Variants in KMT2E observed in about 807,000 individuals in gnomAD.
KMT2E encodes the protein histone reader KMT2E.
KMT2E carries 30 observed loss-of-function variants against 184.6 expected under a neutral mutation model. The ratio of observed to expected loss-of-function variants is 0.16; its 90% confidence interval spans 0.12 to 0.22. The LOEUF (loss-of-function observed/expected upper bound fraction) is 0.22, where lower values mean the gene tolerates loss of function less well. Among genes scored for constraint, KMT2E ranks in the 10% least tolerant of loss-of-function variants. The pLI is 1.00. For missense variants in KMT2E, 2,023 were observed against 2,237.4 expected (o/e 0.90, Z 1.93); for synonymous variants, 815 against 776.5 (o/e 1.05, Z -0.82).
chr7:105,033,597 C>T (rs1795513016), intron 1 of KMT2E, among the ~76,000 whole-genome samples: 1 of 152,166 alleles, frequency 6.6e-6, no homozygotes, highest in African/African-American at 2.4e-5. Context: ...CTCCTGGGTT[C>T]ATGCCATTCT....
intron 3 of KMT2E, among the ~76,000 whole-genome samples, chr7:105,055,860 A>G (rs1364446612): frequency 6.6e-6 from 1 of 152,032 alleles, no homozygotes; most frequent in Non-Finnish European, 1.5e-5. Flanking sequence ...CACTACTGTA[A>G]TTATTGTTAC....
chr7:105,016,471 T>C (rs1562870065), intron 1 of KMT2E, among the ~76,000 whole-genome samples: 1 of 152,240 alleles, frequency 6.6e-6, no homozygotes, highest in Admixed American at 6.5e-5. Context: ...TCTGTTTTAA[T>C]AGACCTTAAA....
chr7:105,040,057 T>G (rs1388661953), intron 2 of KMT2E, among the ~76,000 whole-genome samples: 1 of 152,182 alleles, frequency 6.6e-6, no homozygotes, highest in Non-Finnish European at 1.5e-5. Context: ...AACTCTTTAA[T>G]AACTGAACAA....
intron 9 of KMT2E, 68 bp downstream of exon 9, chr7:105,076,149 C>T: frequency 9.1e-7 from 1 of 1,099,436 alleles, no homozygotes. Context: ...GCTTGCTTGA[C>T]CATATCTTTA....
At chr7:105,036,635 A>C (rs1795672008) in intron 1 of KMT2E, among the ~76,000 whole-genome samples, 1 of 152,198 alleles carries the variant, frequency 6.6e-6, no homozygotes, top group Non-Finnish European at 1.5e-5. Context: ...CCATAGGCTT[A>C]TTGTGGAGAT....
At chr7:105,101,758 T>C (rs1562927957) in intron 16 of KMT2E, 128 bp from the exon 17 acceptor site, 8 of 968,208 alleles carry the variant, frequency 8.3e-6, no homozygotes, top group East Asian at 2.8e-5. Context: ...ATATTATCTC[T>C]GTTCTTTATT....
At position 105,033,521 on chromosome 7, in the gene KMT2E, C is replaced by G. The variant is rs181190287; in HGVS notation, c.-188-4605C>G. Among the ~76,000 whole-genome samples, 4 of 152,014 alleles carry G rather than the reference C, an allele frequency of 2.6e-5. No individual in the cohort carries two copies. In the Middle Eastern group the frequency reaches 0.014, roughly 517 times the overall value. ...GCTTTTTGTTTTTGCTTTTTTGAGA[C>G]GGAGTCTTGCTGTGTCGCCCAGTCT... On this transcript the variant is annotated intron_variant, in intron 1 of 26. Coordinates refer to ENST00000311117, the MANE Select transcript of KMT2E (RefSeq NM_182931.3).
chr7:105,072,017 G>T (rs1797341086), intron 6 of KMT2E, among the ~76,000 whole-genome samples: 1 of 151,958 alleles, frequency 6.6e-6, no homozygotes, highest in Non-Finnish European at 1.5e-5. Flanking sequence ...TGGTTAAAAA[G>T]TTACCATTAG....
chr7:105,047,776 T>C (rs530395215), intron 3 of KMT2E, among the ~76,000 whole-genome samples: 2 of 152,350 alleles, frequency 1.3e-5, no homozygotes, highest in Admixed American at 6.5e-5. Context: ...ACCAGTGCTG[T>C]TAGCTATTGG....
At chr7:105,019,234 T>G (rs778884786) in intron 1 of KMT2E, among the ~76,000 whole-genome samples, 86 of 152,334 alleles carry the variant, frequency 5.6e-4, no homozygotes, top group Non-Finnish European at 1.1e-3. Context: ...TAGGATGCTT[T>G]TTACTTAAAT....
chr7:105,030,150 C>G (rs1301220256), intron 1 of KMT2E, among the ~76,000 whole-genome samples: 1 of 152,166 alleles, frequency 6.6e-6, no homozygotes, highest in African/African-American at 2.4e-5. Context: ...GTAGTGCATT[C>G]TTTAGGAGGT....
In KMT2E at chr7:105,101,526, C is replaced by CAAAACTGAAGTT; in HGVS notation, c.1834_1845dup (p.Val612_Glu615dup). ...AAGCTTTGGAAAGGATCAGCACAGC[C>CAAAACTGAAGTT]AAAACTGAAGTTAAAACTGAATGTA... On this transcript the variant is annotated inframe_insertion, in exon 16 of 27. Transcript: ENST00000311117. The CAAAACTGAAGTT allele has an allele frequency of 6.3e-7, 1 of 1,589,796 alleles. No homozygotes were observed. Among genetic ancestry groups the CAAAACTGAAGTT allele is most frequent in the Non-Finnish European group, 8.5e-7 (1 of 1,170,866 alleles).
At position 105,109,063 on chromosome 7, in the gene KMT2E, A is replaced by G; in HGVS notation, c.3590A>G (p.Asp1197Gly). Residue 1197 changes from aspartate to glycine, a missense_variant, in exon 23 of 27, where the codon GAT (aspartate) becomes GGT (glycine). Transcript: ENST00000311117. ...HASGSLSNNGDGCASSNDNGE... is the reference protein window; with the variant it reads ...HASGSLSNNGGGCASSNDNGE... ...AGTGGAAGCTTGAGCAACAATGGTG[A>G]TGGCTGTGCCAGCAGTAATGACAAT... is the stretch of plus-strand genomic sequence containing the variant. The G allele has an allele frequency of 6.2e-7, 1 of 1,614,200 alleles. No homozygotes were observed. Among genetic ancestry groups the G allele is most frequent in the Non-Finnish European group, 8.5e-7 (1 of 1,180,024 alleles).
At position 105,112,400 on chromosome 7, in the gene KMT2E, T is replaced by C. The variant is rs776957213; in HGVS notation, c.4644T>C (p.Pro1548=). ...ACAGCACGGCACCACCCCCTCCACC[T>C]CCTCCACCTCCTTCTTCGTCTTACT... The part of the protein sequence containing the change: ...SLNSTAPPPP[P]PPPPSSSYYQ... Residue 1548 remains proline, a synonymous_variant, in exon 27 of 27, where the codon CCT becomes CCC. Coordinates refer to ENST00000311117, the MANE Select transcript of KMT2E (RefSeq NM_182931.3). 3 of 1,611,816 alleles carry C rather than the reference T, an allele frequency of 1.9e-6. No homozygotes were observed. The highest frequency in any genetic ancestry group is 1.1e-5 in the South Asian group (1 of 91,006).
Position 105,112,059 on chromosome 7 carries a change from G to A in KMT2E, c.4303G>A (p.Val1435Met). 6.2e-7 allele frequency: 1 copy of A among 1,614,186 alleles called. No homozygotes were observed. The highest frequency in any genetic ancestry group is 1.1e-5 in the South Asian group (1 of 91,080). ...SEQLSQKLPS[V>M]PTKLHCPPSP... is the part of the protein sequence containing the mutation. ...GCAACTTTCACAAAAGCTGCCTTCT[G>A]TGCCAACAAAGTTGCACTGTCCTCC... The change falls in exon 27 of 27, where the codon GTG becomes ATG. Residue 1435 changes from valine (V) to methionine (M), a missense_variant. Val to Met is a conservative substitution (Grantham distance 21). Around this residue, in one of 8 missense-constraint regions of KMT2E, gnomAD observed 1,108 missense variants for 1,050.9 expected, o/e 1.05. Transcript: ENST00000311117.
Position 105,019,076 on chromosome 7 carries a change from A to G in KMT2E, c.-189+4541A>G, listed in dbSNP as rs192344529. Among the ~76,000 whole-genome samples, 15 of 152,288 alleles carry G rather than the reference A, an allele frequency of 9.8e-5. No individual in the cohort carries two copies. The East Asian group carries it at 2.9e-3, about 29-fold the overall frequency. On this transcript the variant is annotated intron_variant, in intron 1 of 26. Coordinates refer to ENST00000311117, the MANE Select transcript of KMT2E (RefSeq NM_182931.3). ...GCAAGAGATAAGAATTAACCATATT[A>G]TGATGCAAACAAATTGTTTTTTTGT...
chr7:105,038,066 A>G (rs1330991207), intron 1 of KMT2E, 60 bp from the exon 2 acceptor site: 1 of 152,186 alleles, frequency 6.6e-6, no homozygotes, highest in Non-Finnish European at 1.5e-5. Context: ...AGTTAGAAGT[A>G]ATTATAATTT....
chr7:105,056,546 CTA>C (rs1796576769), intron 3 of KMT2E, among the ~76,000 whole-genome samples: 1 of 152,052 alleles, frequency 6.6e-6, no homozygotes, highest in Non-Finnish European at 1.5e-5. Flanking sequence ...TGGGTTTTTC[CTA>C]TATGTTATTT....
intron 15 of KMT2E, among the ~76,000 whole-genome samples, chr7:105,098,297 G>A (rs1798509597): frequency 6.6e-6 from 1 of 150,818 alleles, no homozygotes; most frequent in Admixed American, 6.6e-5. Context: ...GGAGTGCAGT[G>A]GTATGACCAA....
Sources: allele counts gnomAD v4.1 joint callset (sites outside exome capture counted in the v4.1 genomes callset), GRCh38; gene constraint gnomAD v4.1.1; regional missense constraint gnomAD v4.1.1; transcripts MANE v1.5; gene names NCBI Gene and HGNC (gene_info 2026-07-23, HGNC 2026-07-21).